The following SGCZ variants were observed in gnomAD, a reference collection of about 807,000 sequenced individuals.
The protein encoded by SGCZ is zeta-sarcoglycan.
Under a neutral mutation model 41.3 loss-of-function variants are expected in SGCZ, and 40 were observed. That is an observed-to-expected ratio of 0.97 (90% CI 0.75 to 1.26). The LOEUF is 1.26. Ranked by LOEUF, SGCZ falls within the 50% of genes most tolerant of loss-of-function variation. The pLI, the probability that SGCZ is intolerant of heterozygous loss-of-function variation, is 0.00. For synonymous variants in SGCZ, 206 were observed against 137.5 expected, an observed-to-expected ratio of 1.50 and a Z score of -3.49; for missense variants, 552 against 369.8, an observed-to-expected ratio of 1.49 and a Z score of -4.04.
chr8:14,103,458 A>T (rs1802098455), intron 6 of SGCZ, among the ~76,000 whole-genome samples: 1 of 152,156 alleles, frequency 6.6e-6, no homozygotes, highest in African/African-American at 2.4e-5. Flanking sequence ...ATTCACTGTT[A>T]TCCAGCACAA....
chr8:14,602,504 G>A lies in SGCZ; in HGVS notation c.40-47578C>T, dbSNP rs564570190. On this transcript the variant is annotated intron_variant, in intron 1 of 7. Coordinates refer to ENST00000382080, the MANE Select transcript of SGCZ (RefSeq NM_139167.4). ...GTTCAAGGCCAGCCTGGGCAACATA[G>A]TGAGATCCTCTCTCTAGTGAAAAAA... Among the ~76,000 whole-genome samples, 8 of 152,172 alleles carry A rather than the reference G, an allele frequency of 5.3e-5. 1 individual carries two copies. The South Asian group carries it at 1.7e-3, about 32-fold the overall frequency.
intron 5 of SGCZ, among the ~76,000 whole-genome samples, chr8:14,112,277 T>C (rs1802395171): frequency 8.6e-6 from 1 of 115,884 alleles, no homozygotes; most frequent in South Asian, 3.5e-4. Context: ...TGAGTTTTTT[T>C]TTTTGTGGGG....
intron 2 of SGCZ, among the ~76,000 whole-genome samples, chr8:14,505,741 C>G (rs748647101): frequency 1.3e-5 from 2 of 152,126 alleles, no homozygotes; most frequent in Admixed American, 6.6e-5. Flanking sequence ...CAATTGGACC[C>G]TTAGTATTTC....
At chr8:15,025,053 A>C (rs7388537) in intron 1 of SGCZ, among the ~76,000 whole-genome samples, 3 of 151,920 alleles carry the variant, frequency 2.0e-5, no homozygotes, top group African/African-American at 7.3e-5. Flanking sequence ...CAGTAACTTA[A>C]AATACTCTCT....
intron 2 of SGCZ, among the ~76,000 whole-genome samples, chr8:14,382,349 T>G (rs1188294247): frequency 6.6e-6 from 1 of 151,988 alleles, no homozygotes; most frequent in Non-Finnish European, 1.5e-5. Context: ...CCTGTGGGAA[T>G]GAACTCAGAC....
intron 1 of SGCZ, among the ~76,000 whole-genome samples, chr8:15,196,376 C>T (rs1800732198): frequency 2.0e-5 from 3 of 152,126 alleles, no homozygotes; most frequent in Admixed American, 2.0e-4. Context: ...AATGAAAACA[C>T]CCCAGTGAAA....
intron 1 of SGCZ, among the ~76,000 whole-genome samples, chr8:14,889,205 T>C (rs1804919391): frequency 6.6e-6 from 1 of 152,032 alleles, no homozygotes. Context: ...CATATCAATG[T>C]GTGGTGCTTG....
intron 2 of SGCZ, among the ~76,000 whole-genome samples, chr8:14,520,933 CTT>C (rs1218617532): frequency 7.9e-5 from 12 of 152,114 alleles, no homozygotes; most frequent in Admixed American, 7.9e-4. Flanking sequence ...AATCACTAAT[CTT>C]AGCAATAGTA....
At chr8:15,078,692 T>C (rs926601957) in intron 1 of SGCZ, among the ~76,000 whole-genome samples, 2 of 151,760 alleles carry the variant, frequency 1.3e-5, no homozygotes, top group African/African-American at 4.9e-5. Flanking sequence ...GATATAAATA[T>C]ATGTGTGTGC....
At chr8:14,528,061 C>G (rs1482800428) in intron 2 of SGCZ, among the ~76,000 whole-genome samples, 1 of 151,982 alleles carries the variant, frequency 6.6e-6, no homozygotes, top group Admixed American at 6.6e-5. Flanking sequence ...GATCTAATTT[C>G]TTAGTCTCAG....
At chr8:14,378,704 T>C (rs1804238491) in intron 2 of SGCZ, among the ~76,000 whole-genome samples, 1 of 152,140 alleles carries the variant, frequency 6.6e-6, no homozygotes, top group Non-Finnish European at 1.5e-5. Context: ...GTAGGGACAG[T>C]CTTGGGGACT....
intron 1 of SGCZ, among the ~76,000 whole-genome samples, chr8:14,764,050 G>A (rs1268271357): frequency 6.6e-6 from 1 of 152,098 alleles, no homozygotes; most frequent in African/African-American, 2.4e-5. Context: ...TGTCTGGCAG[G>A]GAAAGTATAA....
intron 1 of SGCZ, among the ~76,000 whole-genome samples, chr8:15,216,514 CTGGCCAGCT>C (rs1413002373): frequency 6.6e-6 from 1 of 152,088 alleles, no homozygotes; most frequent in Non-Finnish European, 1.5e-5. Context: ...GCCACCGCAC[CTGGCCAGCT>C]TATTCTTTCT....
At chr8:14,899,653 G>C (rs1197498959) in intron 1 of SGCZ, among the ~76,000 whole-genome samples, 2 of 152,100 alleles carry the variant, frequency 1.3e-5, no homozygotes, top group Non-Finnish European at 2.9e-5. Flanking sequence ...GATCCCGAAG[G>C]CATATTGGTT....
chr8:14,277,865 G>C (rs1201430573), intron 3 of SGCZ, among the ~76,000 whole-genome samples: 1 of 151,800 alleles, frequency 6.6e-6, no homozygotes, highest in Non-Finnish European at 1.5e-5. Flanking sequence ...AGGAATGTAA[G>C]CAAATAACCA....
intron 2 of SGCZ, among the ~76,000 whole-genome samples, chr8:14,462,376 T>C (rs1800926624): frequency 6.6e-6 from 1 of 152,050 alleles, no homozygotes; most frequent in Non-Finnish European, 1.5e-5. Context: ...ATCTTAAATA[T>C]TTTTAACCAT....
At chr8:15,194,407 A>G (rs948756333) in intron 1 of SGCZ, among the ~76,000 whole-genome samples, 31 of 152,206 alleles carry the variant, frequency 2.0e-4, no homozygotes, top group Non-Finnish European at 4.4e-5. Flanking sequence ...GGTAGGTACA[A>G]TAATATTCCC....
intron 2 of SGCZ, among the ~76,000 whole-genome samples, chr8:14,381,040 T>C (rs1333780291): frequency 6.6e-6 from 1 of 152,200 alleles, no homozygotes; most frequent in Non-Finnish European, 1.5e-5. Context: ...TAGGGTCAAT[T>C]TCTGACTCAC....
chr8:14,535,248 T>G (rs1427242945), intron 2 of SGCZ, among the ~76,000 whole-genome samples: 3 of 151,950 alleles, frequency 2.0e-5, no homozygotes, highest in African/African-American at 7.2e-5. Context: ...ATGCACTGTT[T>G]TCTTATTTTT....
Sources: gnomAD v4.1 joint callset for allele counts (sites outside exome capture counted in the v4.1 genomes callset) on GRCh38, gnomAD v4.1.1 for gene constraint, MANE v1.5 for transcripts, NCBI Gene and HGNC (gene_info 2026-07-23, HGNC 2026-07-21) for gene names.